The following SUCLG2 variants were observed in gnomAD, a reference collection of about 807,000 sequenced individuals.
SUCLG2 encodes the protein succinate--CoA ligase [GDP-forming] subunit beta, mitochondrial.
In SUCLG2, 42 loss-of-function variants were observed where a neutral mutation model predicts 47.9. The ratio of observed to expected loss-of-function variants is 0.88; its 90% CI spans 0.69 to 1.14. SUCLG2 has a LOEUF of 1.14. Among genes scored for constraint, SUCLG2 ranks in the 50% most tolerant of loss-of-function variants. The pLI is 0.00. For missense variants in SUCLG2, 571 were observed against 525.9 expected (o/e 1.09, Z -0.84); for synonymous variants, 195 against 197.3 (o/e 0.99, Z 0.10).
chr3:67,415,418 T>C (rs1703018576), intron 9 of SUCLG2, among the ~76,000 whole-genome samples: 2 of 152,154 alleles, frequency 1.3e-5, no homozygotes, highest in Admixed American at 6.5e-5. Flanking sequence ...TGCCTAAGTA[T>C]TTTATCTATC....
chr3:67,646,918 A>T (rs566038435), intron 1 of SUCLG2, among the ~76,000 whole-genome samples: 57 of 152,282 alleles, frequency 3.7e-4, no homozygotes, highest in African/African-American at 1.2e-3. Context: ...TCACTGTCTA[A>T]AACCCTTCAA....
chr3:67,619,749 G>A (rs1205787647), intron 1 of SUCLG2, among the ~76,000 whole-genome samples: 1 of 152,194 alleles, frequency 6.6e-6, no homozygotes, highest in African/African-American at 2.4e-5. Context: ...ATGCCCAAAG[G>A]AGAGTTTGCT....
rs1009845771 is a variant in SUCLG2 at position 67,568,747 on chromosome 3, C to T, written c.227-39561G>A. On this transcript the variant is annotated intron_variant, in intron 2 of 10. Coordinates refer to ENST00000307227, the MANE Select transcript of SUCLG2 (RefSeq NM_003848.4). ...CTAAAAATACAAAAAATTAGCCGGG[C>T]GTGGTAGCGGGCGCCTGTAGTCCCA... Among the ~76,000 whole-genome samples, 4 of 152,190 alleles carry T rather than the reference C, an allele frequency of 2.6e-5. No individual in the cohort carries two copies. In the East Asian group the frequency reaches 7.8e-4, roughly 30 times the overall value.
intron 9 of SUCLG2, among the ~76,000 whole-genome samples, chr3:67,467,301 C>T (rs1164752270): frequency 1.3e-5 from 2 of 152,150 alleles, no homozygotes; most frequent in Non-Finnish European, 1.5e-5. Flanking sequence ...ATTTTTCTCA[C>T]CTGAAATATT....
chr3:67,379,890 G>A (rs888252049), intron 10 of SUCLG2, among the ~76,000 whole-genome samples: 8 of 152,176 alleles, frequency 5.3e-5, no homozygotes, highest in African/African-American at 1.9e-4. Flanking sequence ...CATGGATGAA[G>A]TCTTATTGGG....
At chr3:67,568,516 A>T (rs994000353) in intron 2 of SUCLG2, among the ~76,000 whole-genome samples, 1 of 152,366 alleles carries the variant, frequency 6.6e-6, no homozygotes, top group South Asian at 2.1e-4. Context: ...AAAAGAAAGC[A>T]TAAGTATTTT....
At chr3:67,628,180 C>G (rs1003319927) in intron 1 of SUCLG2, among the ~76,000 whole-genome samples, 1 of 152,172 alleles carries the variant, frequency 6.6e-6, no homozygotes, top group African/African-American at 2.4e-5. Context: ...CTGTTTCATA[C>G]TTTCTTATGT....
chr3:67,416,881 T>A (rs957638264), intron 9 of SUCLG2, among the ~76,000 whole-genome samples: 1 of 152,220 alleles, frequency 6.6e-6, no homozygotes, highest in African/African-American at 2.4e-5. Context: ...AAGATCAGTA[T>A]GAACTACAAC....
At chr3:67,397,419 A>G (rs1310628886) in intron 10 of SUCLG2, among the ~76,000 whole-genome samples, 1 of 152,166 alleles carries the variant, frequency 6.6e-6, no homozygotes, top group African/African-American at 2.4e-5. Flanking sequence ...CCCATTCACA[A>G]TTGCTTCAAA....
intron 4 of SUCLG2, among the ~76,000 whole-genome samples, chr3:67,522,602 C>T (rs544789372): frequency 6.6e-6 from 1 of 151,724 alleles, no homozygotes; most frequent in Non-Finnish European, 1.5e-5. Context: ...TAAAAACAAT[C>T]CCATAAATAA....
In SUCLG2 at chr3:67,364,882, A is replaced by G. The variant is rs147516662; in HGVS notation, c.1184-4114T>C. On this transcript the variant is annotated intron_variant, in intron 10 of 10. Transcript: ENST00000493112. ...ATCTAACGGACAGTTTAAAGCAACC[A>G]TCATAAAAAATGCTGGCACTGAATA... Among the ~76,000 whole-genome samples the G allele has an allele frequency of 5.0e-3, 769 of 152,346 alleles. 4 individuals carry two copies. The highest frequency in any genetic ancestry group is 0.018 in the African/African-American group (729 of 41,578).
At chr3:67,450,949 G>A (rs552032035) in intron 9 of SUCLG2, among the ~76,000 whole-genome samples, 1 of 152,262 alleles carries the variant, frequency 6.6e-6, no homozygotes, top group African/African-American at 2.4e-5. Context: ...ATGTCCATCA[G>A]GTAGCGTTTA....
At chr3:67,447,876 G>A (rs953248481) in intron 9 of SUCLG2, among the ~76,000 whole-genome samples, 1 of 152,054 alleles carries the variant, frequency 6.6e-6, no homozygotes, top group African/African-American at 2.4e-5. Context: ...TTATAGACAT[G>A]TGCCACCATG....
intron 2 of SUCLG2, among the ~76,000 whole-genome samples, chr3:67,606,855 T>C (rs1352754709): frequency 6.6e-6 from 1 of 152,204 alleles, no homozygotes; most frequent in Non-Finnish European, 1.5e-5. Flanking sequence ...GCCTAGTACA[T>C]GGTTGACCCT....
rs145676629 is a variant in SUCLG2, at chr3:67,425,078, C to T, written c.1063-24227G>A. 3.0e-3 allele frequency among the ~76,000 whole-genome samples: 459 copies of T among 152,220 alleles called. 4 individuals are homozygous for T. The highest frequency in any genetic ancestry group is 0.01 in the African/African-American group (421 of 41,548). ...AATCATTTTGCATTTGAATTAAGCG[C>T]TCTTCTAGTTTTAAATTCAATGTCA... On this transcript the variant is annotated intron_variant, in intron 9 of 10. Transcript: ENST00000307227.
chr3:67,652,949 A>G (rs998072760), intron 1 of SUCLG2, among the ~76,000 whole-genome samples: 1 of 152,208 alleles, frequency 6.6e-6, no homozygotes, highest in Non-Finnish European at 1.5e-5. Flanking sequence ...CACATCATCC[A>G]CAAATATGTA....
intron 4 of SUCLG2, among the ~76,000 whole-genome samples, chr3:67,521,165 T>C (rs1268431859): frequency 6.6e-6 from 1 of 152,194 alleles, no homozygotes; most frequent in African/African-American, 2.4e-5. Flanking sequence ...TATTTGCTTG[T>C]TCAAAAATAA....
At chr3:67,587,791 T>C (rs537756372) in intron 2 of SUCLG2, among the ~76,000 whole-genome samples, 17 of 152,336 alleles carry the variant, frequency 1.1e-4, no homozygotes, top group African/African-American at 3.6e-4. Flanking sequence ...GCATCATTCA[T>C]TGACAAATAT....
chr3:67,596,612 A>G (rs1210121674), intron 2 of SUCLG2, among the ~76,000 whole-genome samples: 1 of 152,090 alleles, frequency 6.6e-6, no homozygotes, highest in African/African-American at 2.4e-5. Flanking sequence ...CTGTCTCTCT[A>G]CCAAGCAGTG....
Sources: gnomAD v4.1 joint callset for allele counts (sites outside exome capture counted in the v4.1 genomes callset) on GRCh38, gnomAD v4.1.1 for gene constraint, MANE v1.5 for transcripts, NCBI Gene and HGNC (gene_info 2026-07-23, HGNC 2026-07-21) for gene names.